The following AK4 variants were observed in gnomAD, a reference collection of about 807,000 sequenced individuals.
AK4 encodes adenylate kinase 4, mitochondrial.
In AK4, 13 loss-of-function variants were observed where a neutral mutation model predicts 24.6. That is an observed-to-expected ratio of 0.53 (90% confidence interval 0.34 to 0.84). AK4 has a LOEUF of 0.84. AK4 is among the 40% of genes least tolerant of loss of function. The pLI, the probability that AK4 is intolerant of heterozygous loss-of-function variation, is 0.01. For missense variants in AK4, 192 were observed against 288.2 expected (o/e 0.67, Z 2.42); for synonymous variants, 88 against 107.0 (o/e 0.82, Z 1.10).
At chr1:65,150,008 CAG>C (rs1156812999) in intron 1 of AK4, among the ~76,000 whole-genome samples, 1 of 152,148 alleles carries the variant, frequency 6.6e-6, no homozygotes, top group Non-Finnish European at 1.5e-5. Flanking sequence ...TGAAGGAAGA[CAG>C]TGAGAAGAGA....
At chr1:65,204,985 G>A (rs202068274) in intron 2 of AK4, among the ~76,000 whole-genome samples, 3 of 152,118 alleles carry the variant, frequency 2.0e-5, no homozygotes, top group African/African-American at 7.2e-5. Flanking sequence ...TGTATGGTAC[G>A]TGAACTGTAT....
At chr1:65,208,143 C>T (rs1651865569) in intron 2 of AK4, among the ~76,000 whole-genome samples, 1 of 152,188 alleles carries the variant, frequency 6.6e-6, no homozygotes, top group African/African-American at 2.4e-5. Context: ...AATTTACATT[C>T]CCACTAGCAG....
At chr1:65,190,260 C>CTTTT (rs552566388) in intron 1 of AK4, among the ~76,000 whole-genome samples, 15 of 144,108 alleles carry the variant, frequency 1.0e-4, no homozygotes, top group African/African-American at 3.8e-4. Flanking sequence ...TTCTTTCTTT[C>CTTTT]TTTTTTTTTT....
intron 2 of AK4, among the ~76,000 whole-genome samples, chr1:65,193,574 T>C (rs1651376385): frequency 6.6e-6 from 1 of 152,246 alleles, no homozygotes; most frequent in Admixed American, 6.5e-5. Context: ...TGCTTCTCTT[T>C]TAACTATATG....
At chr1:65,215,160 TTTTC>T (rs200963709) in intron 2 of AK4, among the ~76,000 whole-genome samples, 11 of 144,396 alleles carry the variant, frequency 7.6e-5, no homozygotes, top group East Asian at 7.1e-4. Flanking sequence ...TTTTCTTTTC[TTTTC>T]TTTCTTTCTT....
chr1:65,210,287 A>G (rs540446666), intron 2 of AK4, among the ~76,000 whole-genome samples: 15 of 152,196 alleles, frequency 9.9e-5, no homozygotes, highest in Admixed American at 3.3e-4. Context: ...CTAGGACACC[A>G]CACTCGCCCT....
At chr1:65,182,654 T>C (rs1384729260) in intron 1 of AK4, among the ~76,000 whole-genome samples, 2 of 152,230 alleles carry the variant, frequency 1.3e-5, no homozygotes, top group African/African-American at 2.4e-5. Flanking sequence ...TATTTTGAGG[T>C]GTTAATCACC....
intron 2 of AK4, among the ~76,000 whole-genome samples, chr1:65,218,200 A>G (rs986514238): frequency 2.6e-5 from 4 of 152,242 alleles, no homozygotes; most frequent in Non-Finnish European, 4.4e-5. Flanking sequence ...ATAAATGTAT[A>G]TAGTTATTTT....
intron 1 of AK4, among the ~76,000 whole-genome samples, chr1:65,152,360 C>CTCTCTCTCTCTCTATATA (rs1277948363): frequency 3.6e-5 from 1 of 27,960 alleles, no homozygotes; most frequent in African/African-American, 1.1e-4. Flanking sequence ...CTCTCTCTCT[C>CTCTCTCTCTCTCTATATA]TATATATATA....
At chr1:65,176,871 C>G (rs756144072) in intron 1 of AK4, among the ~76,000 whole-genome samples, 1 of 152,140 alleles carries the variant, frequency 6.6e-6, no homozygotes, top group Non-Finnish European at 1.5e-5. Context: ...CAGTATGAAG[C>G]CATTCCAGTA....
chr1:65,196,870 G>A lies in AK4; in HGVS notation c.265+6041G>A, dbSNP rs191824522. Among the ~76,000 whole-genome samples, 115 of 152,274 alleles carry A rather than the reference G, an allele frequency of 7.6e-4. 1 individual carries two copies. The highest frequency in any genetic ancestry group is 2.5e-3 in the African/African-American group (103 of 41,536). On this transcript the variant is annotated intron_variant, in intron 2 of 4. Coordinates refer to ENST00000327299, the MANE Select transcript of AK4 (RefSeq NM_013410.4). ...ATTTATACAAGAAAAAGGGTTTAAT[G>A]GACTTACAGTTCCACGTGGCTTGGG... is the stretch of plus-strand genomic sequence containing the variant.
At chr1:65,217,829 T>TTTTTAA (rs1652176488) in intron 2 of AK4, among the ~76,000 whole-genome samples, 1 of 152,226 alleles carries the variant, frequency 6.6e-6, no homozygotes, top group Non-Finnish European at 1.5e-5. Context: ...AAAACTCTAG[T>TTTTTAA]TCCTTTTAAA....
In AK4 at chr1:65,181,184, G is replaced by T. The variant is rs557611648; in HGVS notation, c.146-9526G>T. ...GGGTGCTAGAAACAATAACAATTTT[G>T]TATCTCCCACCCAGCCTAAGAAACA... On this transcript the variant is annotated intron_variant, in intron 1 of 4. Transcript: ENST00000327299. Among the ~76,000 whole-genome samples the T allele has an allele frequency of 2.0e-5, 3 of 150,160 alleles. 1 individual carries two copies. In the East Asian group the frequency reaches 5.8e-4, roughly 29 times the overall value.
chr1:65,182,839 C>A (rs1650955400), intron 1 of AK4, among the ~76,000 whole-genome samples: 1 of 152,162 alleles, frequency 6.6e-6, no homozygotes, highest in Non-Finnish European at 1.5e-5. Flanking sequence ...TGACCTATAG[C>A]CTATTCCTCT....
chr1:65,152,378 ATATATATTTTTTTTTTTTTTTTTTTT>A (rs1649820550), intron 1 of AK4, among the ~76,000 whole-genome samples: 1 of 58,216 alleles, frequency 1.7e-5, no homozygotes, highest in Admixed American at 3.0e-4. Flanking sequence ...ATATATATAT[ATATATATTTTTTTTTTTTTTTTTTTT>A]TTTTTTTTTT....
intron 2 of AK4, among the ~76,000 whole-genome samples, chr1:65,200,818 G>C (rs1223273321): frequency 6.8e-6 from 1 of 146,174 alleles, no homozygotes; most frequent in African/African-American, 2.5e-5. Context: ...TTTTTTTTGA[G>C]ACGGAGTCTC....
At chr1:65,162,212 C>T (rs1400438226) in intron 1 of AK4, among the ~76,000 whole-genome samples, 1 of 152,134 alleles carries the variant, frequency 6.6e-6, no homozygotes, top group African/African-American at 2.4e-5. Flanking sequence ...CACCACCGCA[C>T]TCTAGCCTGG....
chr1:65,212,250 C>A (rs10789176), intron 2 of AK4, among the ~76,000 whole-genome samples: 1 of 151,804 alleles, frequency 6.6e-6, no homozygotes, highest in Admixed American at 6.6e-5. Flanking sequence ...ACCATGATGC[C>A]CTGCTTTTTA....
chr1:65,194,708 C>T (rs1362941942), intron 2 of AK4, among the ~76,000 whole-genome samples: 1 of 152,204 alleles, frequency 6.6e-6, no homozygotes, highest in Non-Finnish European at 1.5e-5. Flanking sequence ...ATGATCCGCC[C>T]ACCTCGGCCT....
Sources: gnomAD v4.1 joint callset for allele counts (sites outside exome capture counted in the v4.1 genomes callset) on GRCh38, gnomAD v4.1.1 for gene constraint, MANE v1.5 for transcripts, NCBI Gene and HGNC (gene_info 2026-07-23, HGNC 2026-07-21) for gene names.